Variants in ACKR3 observed in about 807,000 individuals in gnomAD.
ACKR3 encodes the protein atypical chemokine receptor 3.
A neutral mutation model predicts 22.4 loss-of-function variants in ACKR3; 6 were observed. The observed-to-expected ratio is 0.27, with a 90% CI of 0.15 to 0.53. ACKR3 has a LOEUF of 0.53. Among genes scored for constraint, ACKR3 ranks in the 20% least tolerant of loss-of-function variants. ACKR3 has a pLI of 0.96. For synonymous variants in ACKR3, 209 were observed against 205.2 expected (o/e 1.02, Z -0.16); for missense variants, 396 against 475.2 (o/e 0.83, Z 1.55).
At chr2:236,573,988 G>A (rs542271681) in intron 1 of ACKR3, among the ~76,000 whole-genome samples, 3 of 152,246 alleles carry the variant, frequency 2.0e-5, no homozygotes, top group Non-Finnish European at 4.4e-5. Flanking sequence ...CCTCCTTGAA[G>A]TCCCCCATAA....
intron 1 of ACKR3, among the ~76,000 whole-genome samples, chr2:236,571,713 T>G (rs1691315796): frequency 6.6e-6 from 1 of 151,804 alleles, no homozygotes; most frequent in Non-Finnish European, 1.5e-5. Context: ...CGAGAGCTCC[T>G]GTTTTCAAGT....
chr2:236,569,390 A>G (rs1210289289), upstream of ACKR3, among the ~76,000 whole-genome samples: 2 of 152,226 alleles, frequency 1.3e-5, no homozygotes, highest in East Asian at 1.9e-4. Context: ...TCAACATCGA[A>G]GTTCAGAAGT....
chr2:236,537,561 C>T, the ACKR3 span, among the ~76,000 whole-genome samples: 1 of 152,212 alleles, frequency 6.6e-6, no homozygotes, highest in African/African-American at 2.4e-5. Context: ...GCCACCCTGG[C>T]ATAAATGCAA....
the ACKR3 span, among the ~76,000 whole-genome samples, chr2:236,548,350 A>T: frequency 6.6e-6 from 1 of 152,218 alleles, no homozygotes; most frequent in East Asian, 1.9e-4. The surrounding 1 kb of genome is among the most constrained non-coding windows in gnomAD (Gnocchi z 4.3). Flanking sequence ...ATGAAGGCCT[A>T]CTTTAAACTG....
rs139798730 is a variant in ACKR3, at chr2:236,581,790, C to T, written c.*236C>T. 6.4e-5 allele frequency: 27 copies of T among 419,936 alleles called. No individual in the cohort carries two copies. Among genetic ancestry groups the T allele is most frequent in the African/African-American group, 4.6e-4 (23 of 50,102 alleles). The allele number at this position is 419,936 out of a possible 1,614,324, so 26.0% of individuals were successfully genotyped here. A position where few individuals can be genotyped will look rare whatever the true frequency, so the allele number is the denominator to read the frequency against. ...AGCTGTGTCGCACAGCAGTGCTGTG[C>T]GTCAGAGCCAGCTGAGGACAGGCTT... is the stretch of plus-strand genomic sequence containing the variant. On this transcript the variant is annotated 3_prime_UTR_variant, in exon 2 of 2. Coordinates refer to ENST00000272928, the MANE Select transcript of ACKR3 (RefSeq NM_020311.3). This position sits in a 1 kb window ranked among gnomAD's most constrained non-coding sequence, Gnocchi z 4.4.
At chr2:236,547,271 C>T in the ACKR3 span, among the ~76,000 whole-genome samples, 4 of 152,092 alleles carry the variant, frequency 2.6e-5, no homozygotes, top group African/African-American at 9.7e-5. Context: ...TTTCTTCTTG[C>T]TTTTTAACAT....
In ACKR3 at chr2:236,574,259, C is replaced by T. The variant is rs1691363388; in HGVS notation, c.-27+4335C>T. Among the ~76,000 whole-genome samples, 1 of 152,124 alleles carries T rather than the reference C, an allele frequency of 6.6e-6. No individual in the cohort carries two copies. Among genetic ancestry groups the T allele is most frequent in the Admixed American group, 6.5e-5 (1 of 15,276 alleles). On this transcript the variant is annotated intron_variant, in intron 1 of 1. Coordinates refer to ENST00000272928, the MANE Select transcript of ACKR3 (RefSeq NM_020311.3). The surrounding 1 kb of genome is among the most constrained non-coding windows in gnomAD (Gnocchi z 5.6). ...GCCCGTCTCCGCTGCTGGCCACAGT[C>T]GCTGGTCTTGGTGGGGCACGATTAA...
chr2:236,563,645 G>A (rs1261088084), upstream of ACKR3, among the ~76,000 whole-genome samples: 2 of 152,188 alleles, frequency 1.3e-5, no homozygotes, highest in African/African-American at 4.8e-5. Context: ...ATTAATTAGA[G>A]AGCACTCCTC....
At chr2:236,541,612 C>T in the ACKR3 span, among the ~76,000 whole-genome samples, 9 of 152,290 alleles carry the variant, frequency 5.9e-5, no homozygotes, top group Non-Finnish European at 1.2e-4. Context: ...CACAGAACCA[C>T]GTACACAGCA....
Position 236,580,937 on chromosome 2 carries a change from A to T in ACKR3, c.472A>T (p.Lys158Ter), listed in dbSNP as rs1227879865. Reference sequence around the variant, plus strand: ...CACCAACACCCCCAGCAGCAGGAAGAAGATGGTACGCCGTGTCGTCTGCAT... The same window carrying T: ...CACCAACACCCCCAGCAGCAGGAAGTAGATGGTACGCCGTGTCGTCTGCAT... ...YFTNTPSSRK[K>*]MVRRVVCILV... The change falls in exon 2 of 2, where the codon AAG becomes TAG. Residue 158 changes from lysine to a stop codon, truncating the protein, a stop_gained. Transcript: ENST00000272928. LOFTEE classifies it high-confidence loss of function. The T allele has an allele frequency of 6.2e-7, 1 of 1,614,094 alleles. No homozygotes were observed. Among genetic ancestry groups the T allele is most frequent in the Non-Finnish European group, 8.5e-7 (1 of 1,180,046 alleles).
chr2:236,552,919 T>C, the ACKR3 span, among the ~76,000 whole-genome samples: 5 of 152,358 alleles, frequency 3.3e-5, no homozygotes, highest in East Asian at 9.6e-4. Context: ...TTGAGAAATT[T>C]GCAGAAGTCA....
the ACKR3 span, among the ~76,000 whole-genome samples, chr2:236,546,716 TG>T: frequency 6.6e-6 from 1 of 152,174 alleles, no homozygotes; most frequent in African/African-American, 2.4e-5. The surrounding 1 kb of genome is among the most constrained non-coding windows in gnomAD (Gnocchi z 4.9). Flanking sequence ...AGACCCTGCC[TG>T]GGGATGGGGA....
chr2:236,551,266 C>T, the ACKR3 span, among the ~76,000 whole-genome samples: 1 of 152,316 alleles, frequency 6.6e-6, no homozygotes, highest in South Asian at 2.1e-4. Context: ...GGCTTCATGC[C>T]CCAAGCCCCA....
chr2:236,560,664 G>A, the ACKR3 span, among the ~76,000 whole-genome samples: 3 of 151,984 alleles, frequency 2.0e-5, no homozygotes, highest in Non-Finnish European at 4.4e-5. Context: ...TTCCTTTGCT[G>A]TGCAGGTTTT....
chr2:236,575,477 CGTGTGTCTGGGGTTGTGCTGTGTGTGT>C (rs1691391317), intron 1 of ACKR3, among the ~76,000 whole-genome samples: 2 of 65,254 alleles, frequency 3.1e-5, no homozygotes, highest in Non-Finnish European at 5.7e-5. Flanking sequence ...GCTGTGTGTG[CGTGTGTCTGGGGTTGTGCTGTGTGTGT>C]GTGTGTCTGG....
At chr2:236,580,163 G>T (rs988697180) in intron 1 of ACKR3, among the ~76,000 whole-genome samples, 2 of 152,242 alleles carry the variant, frequency 1.3e-5, no homozygotes, top group African/African-American at 4.8e-5. Context: ...CATGCTGGCG[G>T]TGTCTTGAGA....
chr2:236,559,721 A>G, the ACKR3 span, among the ~76,000 whole-genome samples: 1 of 152,196 alleles, frequency 6.6e-6, no homozygotes, highest in African/African-American at 2.4e-5. Flanking sequence ...CAGCACCCCC[A>G]GAAAATTCCC....
the ACKR3 span, among the ~76,000 whole-genome samples, chr2:236,553,749 A>G: frequency 3.9e-5 from 6 of 152,266 alleles, no homozygotes; most frequent in African/African-American, 1.4e-4. Context: ...GCGAACTGCG[A>G]GTGCTGGGCT....
chr2:236,571,639 A>C (rs964799333), intron 1 of ACKR3, among the ~76,000 whole-genome samples: 28 of 151,476 alleles, frequency 1.8e-4, no homozygotes, highest in Non-Finnish European at 2.4e-4. Context: ...AAAAAAAAAA[A>C]AAACCCAAAA....
Sources: gnomAD v4.1 joint callset for allele counts (sites outside exome capture counted in the v4.1 genomes callset) on GRCh38, gnomAD v4.1.1 for gene constraint, Gnocchi (gnomAD v3.1) non-coding constraint, MANE v1.5 for transcripts, NCBI Gene and HGNC (gene_info 2026-07-23, HGNC 2026-07-21) for gene names.